The following PTK7 variants were observed in gnomAD, a reference collection of about 807,000 sequenced individuals.
PTK7 encodes protein tyrosine kinase 7 (inactive).
Under a neutral mutation model 116.6 loss-of-function variants are expected in PTK7, and 39 were observed. The observed-to-expected ratio is 0.33, with a 90% CI of 0.26 to 0.44. The LOEUF (loss-of-function observed/expected upper bound fraction) is 0.44, where lower values mean the gene tolerates loss of function less well. Among genes scored for constraint, PTK7 ranks in the 20% least tolerant of loss-of-function variants. PTK7 has a pLI of 1.00. For synonymous variants in PTK7, 546 were observed against 563.6 expected (o/e 0.97, Z 0.44); for missense variants, 1,169 against 1,425.6 (o/e 0.82, Z 2.90).
chr6:43,122,587 G>T (rs1046196847), intron 1 of PTK7, among the ~76,000 whole-genome samples: 6 of 151,412 alleles, frequency 4.0e-5, no homozygotes, highest in Admixed American at 3.9e-4. Flanking sequence ...GACCCAGGCC[G>T]TGGAGCCGGG....
chr6:43,084,055 G>C (rs1766521750), intron 1 of PTK7, among the ~76,000 whole-genome samples: 1 of 152,190 alleles, frequency 6.6e-6, no homozygotes, highest in Non-Finnish European at 1.5e-5. Context: ...TTATTTATTT[G>C]TTAGATTATG....
Position 43,076,468 on chromosome 6 carries a change from C to A in PTK7, c.-21C>A, listed in dbSNP as rs781132039. 3 of 1,553,750 alleles carry A rather than the reference C, an allele frequency of 1.9e-6. No individual in the cohort carries two copies. Among genetic ancestry groups the A allele is most frequent in the East Asian group, 2.6e-5 (1 of 37,988 alleles). On this transcript the variant is annotated 5_prime_UTR_variant, in exon 1 of 20. Coordinates refer to ENST00000230419, the MANE Select transcript of PTK7 (RefSeq NM_002821.5). The surrounding 1 kb of genome is among the most constrained non-coding windows in gnomAD (Gnocchi z 5.7). ...GCGCGCCCGCCGTGCGCCCTCAGCT[C>A]CTTTTCCTGAGCCCGCCGCGATGGG...
rs560756176 is a variant in PTK7 at position 43,141,158 on chromosome 6, T to G, written c.1619-510T>G. On this transcript the variant is annotated intron_variant, in intron 10 of 19. Transcript: ENST00000230419. The surrounding 1 kb of genome is among the most constrained non-coding windows in gnomAD (Gnocchi z 4.9). ...GGATAATTATGCACGAAAGGGGGTA[T>G]GAACATTTTTATAGCCCTTGATGTG... 7.2e-5 allele frequency among the ~76,000 whole-genome samples: 11 copies of G among 152,132 alleles called. No individual in the cohort carries two copies. Among genetic ancestry groups the G allele is most frequent in the Admixed American group, 1.3e-4 (2 of 15,260 alleles).
intron 1 of PTK7, among the ~76,000 whole-genome samples, chr6:43,087,020 T>G (rs1040084290): frequency 6.6e-6 from 1 of 152,242 alleles, no homozygotes; most frequent in African/African-American, 2.4e-5. Flanking sequence ...GCTGTGGCTC[T>G]TTGTTTCCCA....
At chr6:43,160,039 G>T in intron 19 of PTK7, 73 bp downstream of exon 19, 1 of 1,494,840 alleles carries the variant, frequency 6.7e-7, no homozygotes, top group Non-Finnish European at 9.0e-7. Flanking sequence ...CCCAGGGCTG[G>T]TTCAGCCTAC....
At position 43,132,314 on chromosome 6, in the gene PTK7, C is replaced by T. The variant is rs562983989; in HGVS notation, c.962-107C>T. ...TAGGAAGAGGATATGCAGAGGGCTG[C>T]AGGGGAGGGTTTGTGCTGGGAAAGG... is the stretch of plus-strand genomic sequence containing the variant. On this transcript the variant is annotated intron_variant, in intron 6 of 19. Transcript: ENST00000230419. 6 of 1,495,352 alleles carry T rather than the reference C, an allele frequency of 4.0e-6. No homozygotes were observed. The African/African-American group carries it at 7.0e-5, about 17-fold the overall frequency. 92.6% of individuals were successfully genotyped at this position (1,495,352 alleles called of 1,614,324 possible).
At chr6:43,119,696 C>T (rs1222128322) in intron 1 of PTK7, among the ~76,000 whole-genome samples, 1 of 152,184 alleles carries the variant, frequency 6.6e-6, no homozygotes, top group African/African-American at 2.4e-5. Context: ...GGCATATTTC[C>T]CAGTCTCCTG....
At chr6:43,098,061 C>T (rs565294884) in intron 1 of PTK7, among the ~76,000 whole-genome samples, 29 of 152,178 alleles carry the variant, frequency 1.9e-4, no homozygotes, top group South Asian at 1.0e-3. Flanking sequence ...TGATAATATC[C>T]GCCTCATGGG....
chr6:43,141,978 G>A lies in PTK7; in HGVS notation c.1816G>A (p.Gly606Ser). 1 of 1,613,518 alleles carries A rather than the reference G, an allele frequency of 6.2e-7. No individual in the cohort carries two copies. Among genetic ancestry groups the A allele is most frequent in the Non-Finnish European group, 8.5e-7 (1 of 1,179,882 alleles). The change falls in exon 12 of 20, where the codon GGC becomes AGC. Residue 606 changes from glycine (G) to serine (S), a missense_variant. Around this residue, in one of 3 missense-constraint regions of PTK7, gnomAD observed 678 missense variants for 853.8 expected, o/e 0.79. Transcript: ENST00000230419. The surrounding 1 kb of genome is among the most constrained non-coding windows in gnomAD (Gnocchi z 4.9). ...VEPERTTVYQ[G>S]HTALLQCEAQ... is the part of the protein sequence containing the mutation. ...ACCAGAGCGTACGACTGTGTACCAGGGCCACACAGCCCTACTGCAGTGCGA... is the reference window on the plus strand; with the variant it reads ...ACCAGAGCGTACGACTGTGTACCAGAGCCACACAGCCCTACTGCAGTGCGA...
At chr6:43,134,609 G>A (rs1039236477) in intron 7 of PTK7, among the ~76,000 whole-genome samples, 13 of 151,912 alleles carry the variant, frequency 8.6e-5, no homozygotes, top group African/African-American at 2.9e-4. Context: ...GTGAAACCCC[G>A]TCTCTACTAA....
intron 1 of PTK7, 85 bp from the exon 2 acceptor site, chr6:43,128,892 T>A (rs1039013363): frequency 1.4e-6 from 2 of 1,425,772 alleles, no homozygotes; most frequent in Non-Finnish European, 9.5e-7. Flanking sequence ...ACACAGCCCC[T>A]TTCCTCCTGT....
chr6:43,108,845 T>G (rs1041501187), intron 1 of PTK7, among the ~76,000 whole-genome samples: 1 of 152,244 alleles, frequency 6.6e-6, no homozygotes, highest in Non-Finnish European at 1.5e-5. Context: ...CATTGCTAGA[T>G]CCATTATTTC....
intron 1 of PTK7, among the ~76,000 whole-genome samples, chr6:43,107,277 T>G (rs1767950922): frequency 6.6e-6 from 1 of 152,188 alleles, no homozygotes; most frequent in Non-Finnish European, 1.5e-5. Context: ...TTGTGTGCCC[T>G]TTGCACCCAC....
chr6:43,144,653 C>A, intron 15 of PTK7, 47 bp downstream of exon 15: 1 of 1,566,204 alleles, frequency 6.4e-7, no homozygotes, highest in East Asian at 2.2e-5. Context: ...ACAAGTCACC[C>A]GCTGTGTCTT....
Position 43,161,032 on chromosome 6 carries a change from T to G in PTK7, c.*151T>G. The G allele has an allele frequency of 9.3e-7, 1 of 1,075,726 alleles. No individual in the cohort carries two copies. The highest frequency in any genetic ancestry group is 1.3e-6 in the Non-Finnish European group (1 of 773,642). The allele number at this position is 1,075,726 out of a possible 1,614,324, so 66.6% of individuals were successfully genotyped here. A position where few individuals can be genotyped will look rare whatever the true frequency, so the allele number is the denominator to read the frequency against. On this transcript the variant is annotated 3_prime_UTR_variant, in exon 20 of 20. Coordinates refer to ENST00000230419, the MANE Select transcript of PTK7 (RefSeq NM_002821.5). ...CTGAGGTCTGAGCAGGGCCTGGCCT[T>G]TCCTCCTCTTCCTCACCCTCATCCT...
At chr6:43,104,749 C>T (rs1037005103) in intron 1 of PTK7, among the ~76,000 whole-genome samples, 2 of 151,182 alleles carry the variant, frequency 1.3e-5, no homozygotes, top group Non-Finnish European at 2.9e-5. Flanking sequence ...TTTTATGTCT[C>T]TCAGGTTGAC....
At chr6:43,101,822 C>A (rs947652012) in intron 1 of PTK7, among the ~76,000 whole-genome samples, 6 of 152,158 alleles carry the variant, frequency 3.9e-5, no homozygotes, top group African/African-American at 1.4e-4. Context: ...CTATGATAAA[C>A]GGTAATGTGC....
At chr6:43,106,507 G>A (rs1582102420) in intron 1 of PTK7, among the ~76,000 whole-genome samples, 1 of 151,636 alleles carries the variant, frequency 6.6e-6, no homozygotes, top group Non-Finnish European at 1.5e-5. Flanking sequence ...GGCTGGTCTC[G>A]AACTCCTGGC....
Position 43,143,616 on chromosome 6 carries a change from C to T in PTK7, c.2247C>T (p.Leu749=). The change falls in exon 14 of 20, where the codon CTC becomes CTT. Residue 749 remains leucine, a synonymous_variant. Coordinates refer to ENST00000230419, the MANE Select transcript of PTK7 (RefSeq NM_002821.5). The surrounding 1 kb of genome is among the most constrained non-coding windows in gnomAD (Gnocchi z 4.2). Reference sequence around the variant, plus strand: ...GCGAGGAGCCAGAGATGGAATGCCTCAACGGTGAGGGGCCCTGGACGGGGA... The same window carrying T: ...GCGAGGAGCCAGAGATGGAATGCCTTAACGGTGAGGGGCCCTGGACGGGGA... ...PEGEEPEMEC[L]NGGPLQNGQP... is the part of the protein sequence containing the mutation. 6.2e-7 allele frequency: 1 copy of T among 1,611,500 alleles called. No homozygotes were observed. Among genetic ancestry groups the T allele is most frequent in the Non-Finnish European group, 8.5e-7 (1 of 1,179,800 alleles).
Sources: gnomAD v4.1 joint callset for allele counts (sites outside exome capture counted in the v4.1 genomes callset) on GRCh38, gnomAD v4.1.1 for gene constraint, gnomAD v4.1.1 regional missense constraint, Gnocchi (gnomAD v3.1) non-coding constraint, MANE v1.5 for transcripts, NCBI Gene and HGNC (gene_info 2026-07-23, HGNC 2026-07-21) for gene names.